Variants in IGDCC3 observed in about 807,000 individuals in gnomAD.
The protein encoded by IGDCC3 is immunoglobulin superfamily DCC subclass member 3.
In IGDCC3, 47 loss-of-function variants were observed where a neutral mutation model predicts 72.0. The ratio of observed to expected loss-of-function variants is 0.65; its 90% CI spans 0.52 to 0.83. The LOEUF (loss-of-function observed/expected upper bound fraction) is 0.83, where lower values mean the gene tolerates loss of function less well. Ranked by LOEUF, IGDCC3 falls within the 40% of genes least tolerant of loss-of-function variation. The pLI is 0.00. For synonymous variants in IGDCC3, 477 were observed against 472.8 expected (o/e 1.01, Z -0.11); for missense variants, 1,038 against 1,091.3 (o/e 0.95, Z 0.69).
At chr15:65,346,463 C>CTT (rs5813348) in intron 2 of IGDCC3, among the ~76,000 whole-genome samples, 205 of 148,982 alleles carry the variant, frequency 1.4e-3, no homozygotes, top group African/African-American at 4.5e-3. Context: ...AGACTCAGCT[C>CTT]TTTTTTTTTT....
chr15:65,357,251 G>T (rs1303406830), intron 2 of IGDCC3, among the ~76,000 whole-genome samples: 1 of 152,074 alleles, frequency 6.6e-6, no homozygotes, highest in Non-Finnish European at 1.5e-5. Flanking sequence ...TCCACCTAAA[G>T]GAAGAATGAT....
intron 2 of IGDCC3, 71 bp downstream of exon 2, chr15:65,375,026 C>T (rs907262316): frequency 2.2e-5 from 31 of 1,393,088 alleles, no homozygotes; most frequent in Non-Finnish European, 2.9e-5. Flanking sequence ...CTCCCGCTGC[C>T]CTCATGCCCT....
intron 2 of IGDCC3, among the ~76,000 whole-genome samples, chr15:65,354,393 A>G (rs990069561): frequency 2.0e-5 from 3 of 152,052 alleles, no homozygotes; most frequent in Admixed American, 1.3e-4. Context: ...CTTTGCTTCC[A>G]CTGCCCCCTC....
chr15:65,347,383 A>G (rs1427891023), intron 2 of IGDCC3, among the ~76,000 whole-genome samples: 1 of 152,232 alleles, frequency 6.6e-6, no homozygotes, highest in Non-Finnish European at 1.5e-5. Context: ...TCATCTGTAA[A>G]ATGGGAGTGG....
At chr15:65,347,632 T>C (rs955240015) in intron 2 of IGDCC3, among the ~76,000 whole-genome samples, 22 of 152,316 alleles carry the variant, frequency 1.4e-4, no homozygotes, top group African/African-American at 5.3e-4. Context: ...AACACCTTGC[T>C]GATAAAACAG....
In IGDCC3 at chr15:65,329,680, GT is replaced by G; in HGVS notation, c.1997+45del. 6.2e-7 allele frequency: 1 copy of G among 1,612,932 alleles called. No homozygotes were observed. ...CCCACACTCACCTTCTCTAGGCCTA[GT>G]CCCCCACACACCAGCCCAGCCCCTC... On this transcript the variant is annotated intron_variant, in intron 12 of 13. Transcript: ENST00000327987. The surrounding 1 kb of genome is among the most constrained non-coding windows in gnomAD (Gnocchi z 4.1).
rs1207012069 is a variant in IGDCC3 at position 65,329,897 on chromosome 15, C to T, written c.1859-33G>A. The T allele has an allele frequency of 6.2e-7, 1 of 1,612,856 alleles. No homozygotes were observed. Among genetic ancestry groups the T allele is most frequent in the African/African-American group, 1.3e-5 (1 of 74,986 alleles). On this transcript the variant is annotated intron_variant, in intron 11 of 13. Coordinates refer to ENST00000327987, the MANE Select transcript of IGDCC3 (RefSeq NM_004884.4). This position sits in a 1 kb window ranked among gnomAD's most constrained non-coding sequence, Gnocchi z 4.1. ...CAGGGACGGGTTGGAGGCTTTGGCTCTCCAGGTCTGAAGCACTCCCAAACA... is the reference window on the plus strand; with the variant it reads ...CAGGGACGGGTTGGAGGCTTTGGCTTTCCAGGTCTGAAGCACTCCCAAACA...
chr15:65,334,757 G>A lies in IGDCC3; in HGVS notation c.794C>T (p.Pro265Leu), dbSNP rs985793955. The A allele has an allele frequency of 8.8e-6, 14 of 1,596,532 alleles. No individual in the cohort carries two copies. The highest frequency in any genetic ancestry group is 1.2e-5 in the Non-Finnish European group (14 of 1,171,694). The change falls in exon 5 of 14, where the codon CCG becomes CTG. Residue 265 changes from proline (P) to leucine (L), a missense_variant. Physicochemically the swap from Pro to Leu is moderately conservative, Grantham distance 98. Transcript: ENST00000327987. ...GCGGCTCCAGGACACAATGGGGCGC[G>A]GGTTGCCCGTGGCGACACACTCAAG... Reference protein sequence around the residue: ...AVLECVATGNPRPIVSWSRLD... With the variant: ...AVLECVATGNLRPIVSWSRLD...
intron 2 of IGDCC3, among the ~76,000 whole-genome samples, chr15:65,367,848 C>T (rs937575616): frequency 2.0e-5 from 3 of 152,148 alleles, no homozygotes; most frequent in South Asian, 2.1e-4. Flanking sequence ...TGGACCCCAA[C>T]GCTAGGCCCC....
chr15:65,342,108 C>T (rs553202849), intron 2 of IGDCC3, among the ~76,000 whole-genome samples: 71 of 151,700 alleles, frequency 4.7e-4, no homozygotes, highest in Non-Finnish European at 9.3e-4. Context: ...GAATTACAGC[C>T]AGGCGCGGTG....
chr15:65,337,087 C>T (rs1354557625), intron 2 of IGDCC3, among the ~76,000 whole-genome samples: 4 of 152,180 alleles, frequency 2.6e-5, no homozygotes, highest in Admixed American at 6.5e-5. Flanking sequence ...GCAGGCCACC[C>T]TCCCCGTGGC....
rs1158353273 is a variant in IGDCC3, at chr15:65,330,323, C to A, written c.1828G>T (p.Val610Leu). The part of the protein sequence containing the change: ...HGDGNATVRF[V>L]SLRGASERTA... ...CTCTCAGATGCTCCCCTCAAAGACACAAAGCGGACTGTGGCATTGCCATCT... is the reference window on the plus strand; with the variant it reads ...CTCTCAGATGCTCCCCTCAAAGACAAAAAGCGGACTGTGGCATTGCCATCT... The change falls in exon 11 of 14, where the codon GTG becomes TTG. Residue 610 changes from valine to leucine, a missense_variant. Coordinates refer to ENST00000327987, the MANE Select transcript of IGDCC3 (RefSeq NM_004884.4). 10 of 1,613,890 alleles carry A rather than the reference C, an allele frequency of 6.2e-6. No homozygotes were observed. The African/African-American group carries it at 8.0e-5, about 13-fold the overall frequency.
In IGDCC3 at chr15:65,330,248, C is replaced by T. The variant is rs765277423; in HGVS notation, c.1858+45G>A. The T allele has an allele frequency of 2.8e-5, 39 of 1,402,230 alleles. No homozygotes were observed. The Admixed American group carries it at 4.1e-4, about 15-fold the overall frequency. 86.9% of individuals were successfully genotyped at this position (1,402,230 alleles called of 1,614,324 possible). A position where few individuals can be genotyped will look rare whatever the true frequency, so the allele number is the denominator to read the frequency against. On this transcript the variant is annotated intron_variant, in intron 11 of 13. Coordinates refer to ENST00000327987, the MANE Select transcript of IGDCC3 (RefSeq NM_004884.4). ...ATGCTATCTCACCCCATTACTTTCCCGGCTTCCCACCCACTCAGCCCCGCA... is the reference window on the plus strand; with the variant it reads ...ATGCTATCTCACCCCATTACTTTCCTGGCTTCCCACCCACTCAGCCCCGCA...
At position 65,327,788 on chromosome 15, in the gene IGDCC3, G is replaced by C. The variant is rs1019577489; in HGVS notation, c.*1121C>G. The stretch of plus-strand genomic sequence containing the variant: ...GCCTGAGGCTGGGGCGCCTCTGCAG[G>C]GGACACCCACACCCCCTCACCCTCC... On this transcript the variant is annotated 3_prime_UTR_variant, in exon 14 of 14. Transcript: ENST00000327987. The C allele has an allele frequency of 6.6e-6, 1 of 152,496 alleles. No homozygotes were observed. The highest frequency in any genetic ancestry group is 1.5e-5 in the Non-Finnish European group (1 of 68,048). 9.4% of individuals were successfully genotyped at this position (152,496 alleles called of 1,614,324 possible).
At chr15:65,336,020 C>T in intron 2 of IGDCC3, 64 bp from the exon 3 acceptor site, 2 of 1,555,174 alleles carry the variant, frequency 1.3e-6, no homozygotes, top group Non-Finnish European at 1.8e-6. Context: ...AGAGAATGGG[C>T]TGCAGTGGCG....
chr15:65,335,908 C>T lies in IGDCC3; in HGVS notation c.458G>A (p.Gly153Asp). Residue 153 changes from glycine (G) to aspartate (D), a missense_variant, in exon 3 of 14, where the codon GGT (glycine) becomes GAT (aspartate). By Grantham distance (94) the Gly-to-Asp change is moderately conservative. Coordinates refer to ENST00000327987, the MANE Select transcript of IGDCC3 (RefSeq NM_004884.4). ...VHPQATVGEE[G>D]GVARFQCQIH... is the part of the protein sequence containing the mutation. ...TTGGCACTGGAAGCGGGCCACACCA[C>T]CCTCCTCACCCACGGTGGCCTGGGG... is the stretch of plus-strand genomic sequence containing the variant. 11 of 1,614,152 alleles carry T rather than the reference C, an allele frequency of 6.8e-6. No homozygotes were observed. The highest frequency in any genetic ancestry group is 1.1e-5 in the South Asian group (1 of 91,080).
At chr15:65,350,832 A>G (rs2091167960) in intron 2 of IGDCC3, among the ~76,000 whole-genome samples, 1 of 152,220 alleles carries the variant, frequency 6.6e-6, no homozygotes, top group African/African-American at 2.4e-5. Flanking sequence ...AGCATAATCA[A>G]AATCTCGAAT....
At chr15:65,365,659 C>G (rs1277603945) in intron 2 of IGDCC3, among the ~76,000 whole-genome samples, 1 of 133,318 alleles carries the variant, frequency 7.5e-6, no homozygotes, top group African/African-American at 2.9e-5. Flanking sequence ...ACCTTATCTT[C>G]CCAGTCTCTC....
chr15:65,333,717 G>A (rs772149758), intron 5 of IGDCC3, among the ~76,000 whole-genome samples: 1 of 152,202 alleles, frequency 6.6e-6, no homozygotes, highest in Non-Finnish European at 1.5e-5. Flanking sequence ...TTAGATTGAC[G>A]TTTCCCAGCC....
Sources: allele counts gnomAD v4.1 joint callset (sites outside exome capture counted in the v4.1 genomes callset), GRCh38; gene constraint gnomAD v4.1.1; non-coding constraint Gnocchi (gnomAD v3.1); transcripts MANE v1.5; gene names NCBI Gene and HGNC (gene_info 2026-07-23, HGNC 2026-07-21).